The following GNAQ variants were observed in gnomAD, a reference collection of about 807,000 sequenced individuals.
The protein encoded by GNAQ is G protein subunit alpha q, also known as guanine nucleotide-binding protein G(q) subunit alpha.
GNAQ carries 8 observed loss-of-function variants against 43.9 expected under a neutral mutation model. The observed-to-expected ratio is 0.18, with a 90% confidence interval of 0.11 to 0.33. The LOEUF (loss-of-function observed/expected upper bound fraction) is 0.33. Ranked by LOEUF, GNAQ falls within the 10% of genes least tolerant of loss-of-function variation. GNAQ has a pLI of 1.00. For synonymous variants in GNAQ, 155 were observed against 170.7 expected (o/e 0.91, Z 0.71); for missense variants, 158 against 450.8 (o/e 0.35, Z 5.88).
chr9:77,989,573 C>G (rs949782358), intron 1 of GNAQ, among the ~76,000 whole-genome samples: 17 of 152,330 alleles, frequency 1.1e-4, no homozygotes, highest in African/African-American at 4.1e-4. Context: ...CTTTTTGTCT[C>G]TAGTCTGGCT....
chr9:77,754,073 G>C (rs1337377375), intron 5 of GNAQ, among the ~76,000 whole-genome samples: 1 of 152,132 alleles, frequency 6.6e-6, no homozygotes, highest in Non-Finnish European at 1.5e-5. Flanking sequence ...AAATTAAAAG[G>C]AGCACTCAAG....
intron 5 of GNAQ, among the ~76,000 whole-genome samples, chr9:77,744,143 T>C (rs1825695599): frequency 6.6e-6 from 1 of 152,206 alleles, no homozygotes; most frequent in African/African-American, 2.4e-5. Flanking sequence ...TTATAGTTAC[T>C]GTAGTGAAGG....
chr9:78,017,052 C>T lies in GNAQ; in HGVS notation c.136+14048G>A, dbSNP rs75582403. Among the ~76,000 whole-genome samples the T allele has an allele frequency of 4.1e-3, 630 of 152,150 alleles. 4 individuals are homozygous for T. The highest frequency in any genetic ancestry group is 0.015 in the African/African-American group (604 of 41,492). On this transcript the variant is annotated intron_variant, in intron 1 of 6. Transcript: ENST00000286548. ...AAGAATCATACAGCGTGCAAAAATACCCAACAATGTTCACTGTAGCACTGA... is the reference window on the plus strand; with the variant it reads ...AAGAATCATACAGCGTGCAAAAATATCCAACAATGTTCACTGTAGCACTGA...
At chr9:78,019,775 T>A (rs1282840052) in intron 1 of GNAQ, among the ~76,000 whole-genome samples, 1 of 151,700 alleles carries the variant, frequency 6.6e-6, no homozygotes, top group African/African-American at 2.4e-5. Context: ...ACACAAAAAA[T>A]TAGCCAGGCA....
At chr9:77,737,758 C>G (rs1324125079) in intron 5 of GNAQ, among the ~76,000 whole-genome samples, 1 of 152,160 alleles carries the variant, frequency 6.6e-6, no homozygotes, top group East Asian at 1.9e-4. Context: ...TGGGTGGACT[C>G]TAATTTTGAA....
intron 2 of GNAQ, among the ~76,000 whole-genome samples, chr9:77,905,962 G>A (rs1416139021): frequency 1.3e-5 from 2 of 152,060 alleles, no homozygotes; most frequent in African/African-American, 2.4e-5. Flanking sequence ...AAGAGCATTA[G>A]GACAAATACC....
At chr9:77,997,678 C>T (rs1823586709) in intron 1 of GNAQ, among the ~76,000 whole-genome samples, 1 of 152,128 alleles carries the variant, frequency 6.6e-6, no homozygotes, top group Admixed American at 6.5e-5. Flanking sequence ...AATGTAGGAC[C>T]TGAAGAAGCA....
intron 2 of GNAQ, among the ~76,000 whole-genome samples, chr9:77,839,448 G>C (rs1426546278): frequency 2.0e-5 from 3 of 152,204 alleles, no homozygotes; most frequent in Admixed American, 1.3e-4. Flanking sequence ...TAAGTATACT[G>C]GGGAGAGAAG....
chr9:77,993,790 A>T (rs1376792898), intron 1 of GNAQ, among the ~76,000 whole-genome samples: 1 of 152,230 alleles, frequency 6.6e-6, no homozygotes, highest in Non-Finnish European at 1.5e-5. Flanking sequence ...AAGGAAAAAT[A>T]AAAAATGACA....
chr9:78,030,909 G>GTGTGTGTT (rs1358949887), intron 1 of GNAQ, among the ~76,000 whole-genome samples, 191 bp downstream of exon 1: 1 of 151,698 alleles, frequency 6.6e-6, no homozygotes, highest in African/African-American at 2.4e-5. Flanking sequence ...GTGTGTGTGT[G>GTGTGTGTT]TGTGTGTGTG....
chr9:77,890,861 G>C (rs1054434260), intron 2 of GNAQ, among the ~76,000 whole-genome samples: 15 of 152,168 alleles, frequency 9.9e-5, no homozygotes, highest in Non-Finnish European at 1.2e-4. Context: ...TCATGGTATA[G>C]GTGGGGCACG....
Position 77,764,119 on chromosome 9 carries a change from C to G in GNAQ, c.735+30344G>C, listed in dbSNP as rs527945723. The stretch of plus-strand genomic sequence containing the variant: ...TCATTTTATGATCAAAAACCAAATA[C>G]AAACCTATACTCCTAAACAAGAAAG... On this transcript the variant is annotated intron_variant, in intron 5 of 6. Coordinates refer to ENST00000286548, the MANE Select transcript of GNAQ (RefSeq NM_002072.5). 2.6e-5 allele frequency among the ~76,000 whole-genome samples: 4 copies of G among 152,242 alleles called. No homozygotes were observed. The East Asian group carries it at 7.7e-4, about 29-fold the overall frequency.
intron 2 of GNAQ, among the ~76,000 whole-genome samples, chr9:77,879,937 T>C (rs1019519929): frequency 3.3e-5 from 5 of 152,260 alleles, no homozygotes; most frequent in African/African-American, 1.2e-4. Flanking sequence ...GTTTTCATTA[T>C]GTGTGCATTA....
At chr9:77,919,197 G>C (rs961698758) in intron 2 of GNAQ, among the ~76,000 whole-genome samples, 37 of 152,156 alleles carry the variant, frequency 2.4e-4, no homozygotes, top group African/African-American at 8.7e-4. Flanking sequence ...TAGGATTACA[G>C]GTATGAGTCA....
At chr9:77,764,266 C>A (rs1260539541) in intron 5 of GNAQ, among the ~76,000 whole-genome samples, 2 of 152,070 alleles carry the variant, frequency 1.3e-5, no homozygotes, top group African/African-American at 2.4e-5. Flanking sequence ...AAGATAAAGG[C>A]ACCAAATCAC....
intron 2 of GNAQ, among the ~76,000 whole-genome samples, chr9:77,856,201 G>C (rs1232234459): frequency 2.6e-5 from 4 of 152,146 alleles, no homozygotes; most frequent in Non-Finnish European, 4.4e-5. Context: ...TGTTTACCCT[G>C]TAAGTGATTC....
chr9:77,752,259 A>G (rs766081556), intron 5 of GNAQ, among the ~76,000 whole-genome samples: 1 of 152,246 alleles, frequency 6.6e-6, no homozygotes, highest in Non-Finnish European at 1.5e-5. Context: ...GGAGTATTCC[A>G]AAGTATTACA....
chr9:77,800,950 T>C (rs1375190686), intron 3 of GNAQ, among the ~76,000 whole-genome samples: 4 of 152,184 alleles, frequency 2.6e-5, no homozygotes, highest in African/African-American at 9.7e-5. Context: ...CTCAGAAATA[T>C]ATTGCCTGAT....
intron 1 of GNAQ, among the ~76,000 whole-genome samples, chr9:77,946,738 G>A (rs17063991): frequency 0.059 from 8,940 of 152,216 alleles, 286 homozygotes; most frequent in African/African-American, 0.064. Context: ...GTTGCTATAC[G>A]GATCAACAGT....
Sources: allele counts gnomAD v4.1 joint callset (sites outside exome capture counted in the v4.1 genomes callset), GRCh38; gene constraint gnomAD v4.1.1; transcripts MANE v1.5; gene names NCBI Gene and HGNC (gene_info 2026-07-23, HGNC 2026-07-21).